The following GRM7 variants were observed in gnomAD, a reference collection of about 807,000 sequenced individuals.
The protein encoded by GRM7 is metabotropic glutamate receptor 7.
A neutral mutation model predicts 84.5 loss-of-function variants in GRM7; 35 were observed. That is an observed-to-expected ratio of 0.41 (90% CI 0.32 to 0.55). The LOEUF is 0.55. Among genes scored for constraint, GRM7 ranks in the 20% least tolerant of loss-of-function variants. GRM7 has a pLI of 0.19. For synonymous variants in GRM7, 487 were observed against 455.1 expected, an observed-to-expected ratio of 1.07 and a Z score of -0.89; for missense variants, 1,003 against 1,194.6, an observed-to-expected ratio of 0.84 and a Z score of 2.36.
At chr3:6,919,363 T>C (rs1255930948) in intron 1 of GRM7, among the ~76,000 whole-genome samples, 2 of 113,088 alleles carry the variant, frequency 1.8e-5, no homozygotes, top group African/African-American at 8.6e-5. Flanking sequence ...CATGCCTGGC[T>C]AATTTTTTTT....
At chr3:7,677,697 A>T (rs535639436) in intron 8 of GRM7, among the ~76,000 whole-genome samples, 1 of 152,360 alleles carries the variant, frequency 6.6e-6, no homozygotes, top group South Asian at 2.1e-4. Flanking sequence ...TTCATAAAAT[A>T]AACATGATAG....
intron 7 of GRM7, among the ~76,000 whole-genome samples, chr3:7,525,262 T>G (rs2124996969): frequency 6.6e-6 from 1 of 152,076 alleles, no homozygotes; most frequent in African/African-American, 2.4e-5. Flanking sequence ...ACTTAAAGTA[T>G]AATAATAATA....
At chr3:6,948,038 A>C (rs142660837) in intron 1 of GRM7, among the ~76,000 whole-genome samples, 14,082 of 151,696 alleles carry the variant, frequency 0.093, 684 homozygotes, top group Middle Eastern at 0.12. Context: ...TGAAGGGTTT[A>C]TTGTGTCTCT....
In GRM7 at chr3:7,708,609, C is replaced by T. The variant is rs375941748; in HGVS notation, c.2698+28314C>T. The stretch of plus-strand genomic sequence containing the variant: ...CAGGAAGGTAATAGGGTTTGAAGAG[C>T]GAGCCTAAACTTTCATTCATAAGAG... On this transcript the variant is annotated intron_variant, in intron 9 of 9. Coordinates refer to ENST00000357716, the MANE Select transcript of GRM7 (RefSeq NM_000844.4). Among the ~76,000 whole-genome samples, 487 of 152,146 alleles carry T rather than the reference C, an allele frequency of 3.2e-3. 7 individuals are homozygous for T. Among genetic ancestry groups the T allele is most frequent in the Middle Eastern group, 0.02 (6 of 294 alleles).
chr3:6,941,406 T>G (rs1179694489), intron 1 of GRM7, among the ~76,000 whole-genome samples: 1 of 152,228 alleles, frequency 6.6e-6, no homozygotes, highest in African/African-American at 2.4e-5. Context: ...TGTCTTTTAT[T>G]CAAAACAATC....
chr3:7,655,035 G>A (rs943385681), intron 8 of GRM7, among the ~76,000 whole-genome samples: 3 of 152,138 alleles, frequency 2.0e-5, no homozygotes, highest in Non-Finnish European at 4.4e-5. Flanking sequence ...CTAGTTCTGT[G>A]AACAGACCCA....
intron 2 of GRM7, among the ~76,000 whole-genome samples, chr3:7,172,728 T>C (rs928853173): frequency 6.6e-5 from 10 of 152,116 alleles, no homozygotes; most frequent in Non-Finnish European, 1.5e-4. Flanking sequence ...AAACTGATAC[T>C]TCCTTTGAAG....
At chr3:7,229,085 G>T (rs1031223492) in intron 2 of GRM7, among the ~76,000 whole-genome samples, 1 of 151,834 alleles carries the variant, frequency 6.6e-6, no homozygotes, top group African/African-American at 2.4e-5. Context: ...AATGTCCATT[G>T]TGATCAACTA....
At chr3:7,658,641 GATT>G (rs1699304906) in intron 8 of GRM7, among the ~76,000 whole-genome samples, 1 of 152,160 alleles carries the variant, frequency 6.6e-6, no homozygotes, top group Non-Finnish European at 1.5e-5. Flanking sequence ...AATTTAAAGG[GATT>G]ATTTGGGGGG....
chr3:7,407,276 G>A (rs938675206), intron 4 of GRM7, among the ~76,000 whole-genome samples: 2 of 152,150 alleles, frequency 1.3e-5, no homozygotes, highest in African/African-American at 2.4e-5. Flanking sequence ...CCAGGTAGAT[G>A]CCTCTTCAAG....
intron 2 of GRM7, among the ~76,000 whole-genome samples, chr3:7,280,362 C>A (rs1444410792): frequency 6.6e-6 from 1 of 152,178 alleles, no homozygotes; most frequent in East Asian, 1.9e-4. Flanking sequence ...ACAGTTTTCT[C>A]ATTTGGTAAA....
At chr3:7,370,064 T>G (rs1468445593) in intron 4 of GRM7, among the ~76,000 whole-genome samples, 1 of 152,148 alleles carries the variant, frequency 6.6e-6, no homozygotes, top group East Asian at 1.9e-4. Flanking sequence ...ATTGGGTAAC[T>G]TCATAATATA....
chr3:7,614,985 C>T (rs560399665), intron 8 of GRM7, among the ~76,000 whole-genome samples: 1 of 152,190 alleles, frequency 6.6e-6, no homozygotes, highest in South Asian at 2.1e-4. Context: ...TGTGTCATAC[C>T]CTTTGGGCAG....
At position 7,305,342 on chromosome 3, in the gene GRM7, T is replaced by C. The variant is rs868724629; in HGVS notation, c.879-1156T>C. ...TCCTATGCTGCTGCTTTTTTTTTTT[T>C]CTTTTTTTTTTTTTTTAATTATACT... On this transcript the variant is annotated intron_variant, in intron 3 of 9. Coordinates refer to ENST00000357716, the MANE Select transcript of GRM7 (RefSeq NM_000844.4). 6.1e-3 allele frequency among the ~76,000 whole-genome samples: 515 copies of C among 85,040 alleles called. 16 individuals carry two copies. The highest frequency in any genetic ancestry group is 0.028 in the African/African-American group (490 of 17,434). 55.8% of individuals were successfully genotyped at this position (85,040 alleles called of 152,430 possible). A position where few individuals can be genotyped will look rare whatever the true frequency, so the allele number is the denominator to read the frequency against.
At chr3:7,021,335 T>C (rs2124912102) in intron 1 of GRM7, among the ~76,000 whole-genome samples, 1 of 152,282 alleles carries the variant, frequency 6.6e-6, no homozygotes, top group South Asian at 2.1e-4. Context: ...CACCCTGCCC[T>C]GGGGTGAGAA....
Position 6,861,760 on chromosome 3 carries a change from G to C in GRM7, c.372G>C (p.Gln124His). The change falls in exon 1 of 10, where the codon CAG becomes CAC. Residue 124 changes from glutamine (Q) to histidine (H), a missense_variant. Physicochemically the swap from Gln to His is conservative, Grantham distance 24. Coordinates refer to ENST00000357716, the MANE Select transcript of GRM7 (RefSeq NM_000844.4). This position sits in a 1 kb window ranked among gnomAD's most constrained non-coding sequence, Gnocchi z 6.4. ...TCGAACAGTCGCTTACTTTCGTCCAGGCGCTCATCCAGAAGGACACCTCCG... is the reference window on the plus strand; with the variant it reads ...TCGAACAGTCGCTTACTTTCGTCCACGCGCTCATCCAGAAGGACACCTCCG... ...YALEQSLTFV[Q>H]ALIQKDTSDV... The C allele has an allele frequency of 6.2e-7, 1 of 1,614,196 alleles. No homozygotes were observed. Among genetic ancestry groups the C allele is most frequent in the Non-Finnish European group, 8.5e-7 (1 of 1,180,046 alleles).
At chr3:7,316,072 A>G (rs2125047261) in intron 4 of GRM7, among the ~76,000 whole-genome samples, 1 of 152,282 alleles carries the variant, frequency 6.6e-6, no homozygotes, top group Non-Finnish European at 1.5e-5. Context: ...AGTATCTATC[A>G]GGGAAAGAGT....
At chr3:7,652,940 A>T (rs1478993906) in intron 8 of GRM7, among the ~76,000 whole-genome samples, 4 of 152,126 alleles carry the variant, frequency 2.6e-5, no homozygotes, top group East Asian at 1.9e-4. Context: ...CACATCAGGC[A>T]CATCCCTGGT....
At chr3:7,133,898 T>C (rs1295457881) in intron 1 of GRM7, among the ~76,000 whole-genome samples, 1 of 152,170 alleles carries the variant, frequency 6.6e-6, no homozygotes, top group East Asian at 1.9e-4. Flanking sequence ...GGATACCACG[T>C]TGGGATGGAA....
Sources: gnomAD v4.1 joint callset for allele counts (sites outside exome capture counted in the v4.1 genomes callset) on GRCh38, gnomAD v4.1.1 for gene constraint, Gnocchi (gnomAD v3.1) non-coding constraint, MANE v1.5 for transcripts, NCBI Gene and HGNC (gene_info 2026-07-23, HGNC 2026-07-21) for gene names.